UBE2E2: variants seen among roughly 807,000 people sequenced by gnomAD.
UBE2E2 encodes ubiquitin conjugating enzyme E2 E2.
A neutral mutation model predicts 24.7 loss-of-function variants in UBE2E2; 6 were observed. The ratio of observed to expected loss-of-function variants is 0.24; its 90% CI spans 0.13 to 0.48. The LOEUF (loss-of-function observed/expected upper bound fraction) is 0.48, where lower values mean the gene tolerates loss of function less well. Among genes scored for constraint, UBE2E2 ranks in the 20% least tolerant of loss-of-function variants. The pLI is 0.99. For synonymous variants in UBE2E2, 104 were observed against 83.6 expected (o/e 1.24, Z -1.33); for missense variants, 169 against 245.0 (o/e 0.69, Z 2.07).
chr3:23,270,577 G>A (rs1698213638), intron 3 of UBE2E2, among the ~76,000 whole-genome samples: 1 of 152,182 alleles, frequency 6.6e-6, no homozygotes, highest in Non-Finnish European at 1.5e-5. Context: ...GAAGTATAGA[G>A]TACATACAGA....
intron 3 of UBE2E2, among the ~76,000 whole-genome samples, chr3:23,382,098 ATTATT>A (rs1575596587): frequency 6.6e-6 from 1 of 151,706 alleles, no homozygotes; most frequent in East Asian, 1.9e-4. Context: ...TCAGTTTATG[ATTATT>A]TTATTAGGTA....
chr3:23,387,204 C>T (rs1696823259), intron 3 of UBE2E2, among the ~76,000 whole-genome samples: 1 of 152,182 alleles, frequency 6.6e-6, no homozygotes, highest in African/African-American at 2.4e-5. Context: ...TTTAAATAGA[C>T]TGGTTATAGA....
intron 3 of UBE2E2, among the ~76,000 whole-genome samples, chr3:23,497,249 CT>C (rs1310019262): frequency 5.9e-5 from 9 of 152,120 alleles, no homozygotes; most frequent in Non-Finnish European, 1.0e-4. Context: ...ACTAGTGGCC[CT>C]TCGTATGGAT....
At chr3:23,501,436 T>G (rs754487701) in intron 4 of UBE2E2, among the ~76,000 whole-genome samples, 1 of 152,166 alleles carries the variant, frequency 6.6e-6, no homozygotes, top group Non-Finnish European at 1.5e-5. Context: ...ACTAGGATGT[T>G]CCCCTGTCAC....
At chr3:23,284,712 T>TTA (rs1020308074) in intron 3 of UBE2E2, among the ~76,000 whole-genome samples, 25 of 151,194 alleles carry the variant, frequency 1.7e-4, no homozygotes, top group African/African-American at 5.1e-4. Context: ...TAGGTGGTGA[T>TTA]TATATATATA....
intron 5 of UBE2E2, among the ~76,000 whole-genome samples, chr3:23,580,051 GT>G (rs1696440779): frequency 6.6e-6 from 1 of 152,220 alleles, no homozygotes; most frequent in Admixed American, 6.5e-5. Context: ...CAGATGAAGA[GT>G]TGCTTATTAT....
At chr3:23,502,096 A>AAACAAAT (rs1474488429) in intron 4 of UBE2E2, among the ~76,000 whole-genome samples, 2 of 152,192 alleles carry the variant, frequency 1.3e-5, no homozygotes, top group Non-Finnish European at 2.9e-5. Flanking sequence ...CTATTAAGTA[A>AAACAAAT]AACAAATACT....
At chr3:23,542,835 T>C (rs1015374992) in intron 5 of UBE2E2, among the ~76,000 whole-genome samples, 8 of 152,246 alleles carry the variant, frequency 5.3e-5, no homozygotes, top group African/African-American at 1.9e-4. Flanking sequence ...AATCTTGGTG[T>C]AAATTTAGAC....
chr3:23,338,781 T>A (rs1324419073), intron 3 of UBE2E2, among the ~76,000 whole-genome samples: 1 of 152,176 alleles, frequency 6.6e-6, no homozygotes, highest in East Asian at 1.9e-4. Flanking sequence ...TATCCAGATA[T>A]AATTAAGTAA....
At chr3:23,210,218 G>A (rs560860734) in intron 2 of UBE2E2, among the ~76,000 whole-genome samples, 5 of 152,290 alleles carry the variant, frequency 3.3e-5, no homozygotes, top group South Asian at 2.1e-4. Flanking sequence ...GTAGTTCCAC[G>A]CAGATGAGGA....
At chr3:23,505,469 A>G (rs988914486) in intron 4 of UBE2E2, among the ~76,000 whole-genome samples, 1 of 152,234 alleles carries the variant, frequency 6.6e-6, no homozygotes, top group East Asian at 1.9e-4. Flanking sequence ...CAGGTTAGAC[A>G]TGCTGTGTCC....
rs553179103 is a variant in UBE2E2, at chr3:23,342,041, G to A, written c.227+124729G>A. On this transcript the variant is annotated intron_variant, in intron 3 of 5. Coordinates refer to ENST00000396703, the MANE Select transcript of UBE2E2 (RefSeq NM_152653.4). The stretch of plus-strand genomic sequence containing the variant: ...CCCAAGCATTAGGTGTTTACAAAAT[G>A]TATTGTTTACAGTGGAGACTTTGAA... Among the ~76,000 whole-genome samples the A allele has an allele frequency of 6.5e-4, 99 of 152,306 alleles. 1 individual carries two copies. Among genetic ancestry groups the A allele is most frequent in the African/African-American group, 2.3e-3 (97 of 41,570 alleles).
At chr3:23,511,321 C>A in intron 4 of UBE2E2, among the ~76,000 whole-genome samples, 1 of 152,212 alleles carries the variant, frequency 6.6e-6, no homozygotes, top group African/African-American at 2.4e-5. Context: ...CTGTTGAGAA[C>A]CACTGTGTTA....
chr3:23,294,469 G>T (rs1698852976), intron 3 of UBE2E2, among the ~76,000 whole-genome samples: 1 of 151,830 alleles, frequency 6.6e-6, no homozygotes, highest in Admixed American at 6.6e-5. Flanking sequence ...TACCAGAAAT[G>T]AAAAGATAAT....
intron 3 of UBE2E2, among the ~76,000 whole-genome samples, chr3:23,362,560 AC>A (rs1363001792): frequency 1.3e-5 from 2 of 151,912 alleles, no homozygotes; most frequent in Non-Finnish European, 2.9e-5. Flanking sequence ...TTCTGTCTGA[AC>A]TCGGACAGAG....
At position 23,589,607 on chromosome 3, in the gene UBE2E2, G is replaced by A; in HGVS notation, c.509-127G>A. ...GCAGCAGGTGACTGGCTCAGCCGCAGCAATGGTGGTCCAGGTTAGAACAGC... is the reference window on the plus strand; with the variant it reads ...GCAGCAGGTGACTGGCTCAGCCGCAACAATGGTGGTCCAGGTTAGAACAGC... On this transcript the variant is annotated intron_variant, in intron 5 of 5. Coordinates refer to ENST00000396703, the MANE Select transcript of UBE2E2 (RefSeq NM_152653.4). This position sits in a 1 kb window ranked among gnomAD's most constrained non-coding sequence, Gnocchi z 4.1. 1 of 875,338 alleles carries A rather than the reference G, an allele frequency of 1.1e-6. No individual in the cohort carries two copies. The highest frequency in any genetic ancestry group is 1.8e-6 in the Non-Finnish European group (1 of 557,708). 54.2% of individuals were successfully genotyped at this position (875,338 alleles called of 1,614,324 possible).
At chr3:23,291,578 G>A (rs1247872180) in intron 3 of UBE2E2, among the ~76,000 whole-genome samples, 1 of 151,914 alleles carries the variant, frequency 6.6e-6, no homozygotes, top group Non-Finnish European at 1.5e-5. Flanking sequence ...CACAGATTTA[G>A]CAGTCTAGGG....
intron 3 of UBE2E2, among the ~76,000 whole-genome samples, chr3:23,436,883 G>A (rs1698197477): frequency 6.6e-6 from 1 of 152,188 alleles, no homozygotes. Flanking sequence ...GTTAGGGAAT[G>A]TTTCACAGAG....
At chr3:23,325,720 T>C (rs1430447770) in intron 3 of UBE2E2, among the ~76,000 whole-genome samples, 2 of 152,248 alleles carry the variant, frequency 1.3e-5, no homozygotes, top group African/African-American at 4.8e-5. Flanking sequence ...GAGAATGTGC[T>C]ACTGTGAGAA....
Sources: allele counts gnomAD v4.1 joint callset (sites outside exome capture counted in the v4.1 genomes callset), GRCh38; gene constraint gnomAD v4.1.1; non-coding constraint Gnocchi (gnomAD v3.1); transcripts MANE v1.5; gene names NCBI Gene and HGNC (gene_info 2026-07-23, HGNC 2026-07-21).